Variants in NUDT5 observed in about 807,000 individuals in gnomAD.
The protein encoded by NUDT5 is nudix hydrolase 5, also known as ADP-sugar pyrophosphatase.
A neutral mutation model predicts 34.1 loss-of-function variants in NUDT5; 21 were observed. That is an observed-to-expected ratio of 0.62 (90% CI 0.44 to 0.89). NUDT5 has a LOEUF of 0.89. Among genes scored for constraint, NUDT5 ranks in the 40% least tolerant of loss-of-function variants. The pLI is 0.00. For synonymous variants in NUDT5, 85 were observed against 97.6 expected, an observed-to-expected ratio of 0.87 and a Z score of 0.76; for missense variants, 249 against 274.8, an observed-to-expected ratio of 0.91 and a Z score of 0.66.
Position 12,171,017 on chromosome 10 carries a change from G to A in NUDT5, c.488-109C>T, listed in dbSNP as rs1293764884. ...GCTTTGAGAATTTCACAGAAGCCTG[G>A]GTTTCTGCTAACTTAATTTATATAC... On this transcript the variant is annotated intron_variant, in intron 7 of 9. Coordinates refer to ENST00000491614, the MANE Select transcript of NUDT5 (RefSeq NM_014142.4). This position sits in a 1 kb window ranked among gnomAD's most constrained non-coding sequence, Gnocchi z 4.2. 4 of 1,154,780 alleles carry A rather than the reference G, an allele frequency of 3.5e-6. No individual in the cohort carries two copies. In the African/African-American group the frequency reaches 6.2e-5, roughly 18 times the overall value. 71.5% of individuals were successfully genotyped at this position (1,154,780 alleles called of 1,614,324 possible).
chr10:12,172,045 G>A (rs1014683684), intron 7 of NUDT5, among the ~76,000 whole-genome samples: 17 of 152,102 alleles, frequency 1.1e-4, no homozygotes, highest in African/African-American at 3.9e-4. Flanking sequence ...CTTAAAATTA[G>A]TTGCAGTGGG....
At chr10:12,177,936 T>A (rs1256710798) in intron 4 of NUDT5, 36 bp from the exon 5 acceptor site, 1 of 1,521,034 alleles carries the variant, frequency 6.6e-7, no homozygotes, top group African/African-American at 1.4e-5. Flanking sequence ...AAATCCCTAA[T>A]GAGAGGTCAG....
At position 12,170,008 on chromosome 10, in the gene NUDT5, C is replaced by CAT; in HGVS notation, c.550+708_550+709insAT. 9.6e-7 allele frequency: 1 copy of CAT among 1,037,910 alleles called. No individual in the cohort carries two copies. The highest frequency in any genetic ancestry group is 1.4e-5 in the South Asian group (1 of 70,270). 64.3% of individuals were successfully genotyped at this position (1,037,910 alleles called of 1,614,324 possible). ...AGTGAAAGGGATTTGCCAGCCCATA[C>CAT]AGAGGTGCTCCTTGAAGGGCCCATG... On this transcript the variant is annotated intron_variant, in intron 9 of 9. Coordinates refer to ENST00000491614, the MANE Select transcript of NUDT5 (RefSeq NM_014142.4). This position sits in a 1 kb window ranked among gnomAD's most constrained non-coding sequence, Gnocchi z 4.9.
Position 12,177,422 on chromosome 10 carries a change from A to G in NUDT5, c.289+371T>C, listed in dbSNP as rs370695461. Among the ~76,000 whole-genome samples the G allele has an allele frequency of 5.3e-3, 769 of 144,564 alleles. 2 individuals are homozygous for G. The highest frequency in any genetic ancestry group is 8.8e-3 in the Non-Finnish European group (574 of 65,144). 94.8% of individuals were successfully genotyped at this position (144,564 alleles called of 152,430 possible). A position where few individuals can be genotyped will look rare whatever the true frequency, so the allele number is the denominator to read the frequency against. On this transcript the variant is annotated intron_variant, in intron 5 of 9. Coordinates refer to ENST00000491614, the MANE Select transcript of NUDT5 (RefSeq NM_014142.4). The stretch of plus-strand genomic sequence containing the variant: ...TAGTCCCAGCCACTCGGGAGGCTGA[A>G]GCAGGAGAATTGCTTGAACCCAGGA...
chr10:12,193,748 G>A (rs1835276697), intron 1 of NUDT5, among the ~76,000 whole-genome samples: 1 of 152,032 alleles, frequency 6.6e-6, no homozygotes, highest in Non-Finnish European at 1.5e-5. Flanking sequence ...CTGAATAAAA[G>A]GTATCTATAA....
chr10:12,187,426 CAG>C lies in NUDT5; in HGVS notation c.-41-1096_-41-1095del, dbSNP rs1025540291. On this transcript the variant is annotated intron_variant, in intron 1 of 9. Coordinates refer to ENST00000491614, the MANE Select transcript of NUDT5 (RefSeq NM_014142.4). This position sits in a 1 kb window ranked among gnomAD's most constrained non-coding sequence, Gnocchi z 5.4. ...ACTACAAGTTCTGTTATGAAAAGAGCAGGCCCTTATCCCATTTATTGTATATT... is the reference window on the plus strand; with the variant it reads ...ACTACAAGTTCTGTTATGAAAAGAGCGCCCTTATCCCATTTATTGTATATT... Among the ~76,000 whole-genome samples, 2 of 152,224 alleles carry C rather than the reference CAG, an allele frequency of 1.3e-5. No homozygotes were observed. The highest frequency in any genetic ancestry group is 2.4e-5 in the African/African-American group (1 of 41,448).
In NUDT5 at chr10:12,169,478, G is replaced by A. The variant is rs1223632422; in HGVS notation, c.550+1239C>T. ...TTGATGTGATAGCTAATTATGGTCC[G>A]CGGAGCCTCAAACCGAGTCGGGCCT... On this transcript the variant is annotated intron_variant, in intron 9 of 9. Transcript: ENST00000491614. This position sits in a 1 kb window ranked among gnomAD's most constrained non-coding sequence, Gnocchi z 4.8. 5 of 582,664 alleles carry A rather than the reference G, an allele frequency of 8.6e-6. No individual in the cohort carries two copies. Among genetic ancestry groups the A allele is most frequent in the East Asian group, 6.0e-5 (2 of 33,250 alleles). The allele number at this position is 582,664 out of a possible 1,614,324, so 36.1% of individuals were successfully genotyped here.
At chr10:12,186,459 ATG>A (rs1226724160) in intron 1 of NUDT5, 127 bp from the exon 2 acceptor site, 2 of 618,608 alleles carry the variant, frequency 3.2e-6, no homozygotes, top group Non-Finnish European at 5.7e-6. Flanking sequence ...CTGTCTCAGT[ATG>A]TGAGGGAACT....
chr10:12,185,508 C>T (rs927132317), intron 2 of NUDT5, among the ~76,000 whole-genome samples: 2 of 152,250 alleles, frequency 1.3e-5, no homozygotes, highest in Non-Finnish European at 2.9e-5. Context: ...TCTGCCTAGA[C>T]ACTGGGGAGT....
At position 12,186,313 on chromosome 10, in the gene NUDT5, C is replaced by T. The variant is rs909881612; in HGVS notation, c.-22G>A. The T allele has an allele frequency of 6.4e-7, 1 of 1,572,996 alleles. No individual in the cohort carries two copies. The highest frequency in any genetic ancestry group is 8.8e-7 in the Non-Finnish European group (1 of 1,142,530). Reference sequence around the variant, plus strand: ...CCATTTTCAAACGAGTCTTTACAGCCCTCAGGTGAGAAGTTCACCCTGCAA... The same window carrying T: ...CCATTTTCAAACGAGTCTTTACAGCTCTCAGGTGAGAAGTTCACCCTGCAA... On this transcript the variant is annotated 5_prime_UTR_variant, in exon 2 of 10. Coordinates refer to ENST00000491614, the MANE Select transcript of NUDT5 (RefSeq NM_014142.4).
Position 12,169,953 on chromosome 10 carries a change from T to C in NUDT5, c.550+764A>G, listed in dbSNP as rs1834817315. 1 of 620,370 alleles carries C rather than the reference T, an allele frequency of 1.6e-6. No homozygotes were observed. The highest frequency in any genetic ancestry group is 2.9e-5 in the Admixed American group (1 of 34,256). 38.4% of individuals were successfully genotyped at this position (620,370 alleles called of 1,614,324 possible). A position where few individuals can be genotyped will look rare whatever the true frequency, so the allele number is the denominator to read the frequency against. On this transcript the variant is annotated intron_variant, in intron 9 of 9. Coordinates refer to ENST00000491614, the MANE Select transcript of NUDT5 (RefSeq NM_014142.4). The surrounding 1 kb of genome is among the most constrained non-coding windows in gnomAD (Gnocchi z 4.8). Reference sequence around the variant, plus strand: ...ACTTATACCCAATAAAATATTCCCATGATGACAAGTGTCTGCTTCTTTCTA... The same window carrying C: ...ACTTATACCCAATAAAATATTCCCACGATGACAAGTGTCTGCTTCTTTCTA...
At chr10:12,178,982 C>T in intron 4 of NUDT5, 101 bp downstream of exon 4, 1 of 982,414 alleles carries the variant, frequency 1.0e-6, no homozygotes, top group Non-Finnish European at 1.6e-6. Context: ...TTTAAAGACA[C>T]AACATCCTAA....
At position 12,195,793 on chromosome 10, in the gene NUDT5, G is replaced by C; in HGVS notation, c.-65C>G. The C allele has an allele frequency of 4.8e-6, 1 of 208,734 alleles. No individual in the cohort carries two copies. The highest frequency in any genetic ancestry group is 1.0e-5 in the Non-Finnish European group (1 of 100,200). The allele number at this position is 208,734 out of a possible 1,614,324, so 12.9% of individuals were successfully genotyped here. ...ACTCCAAGGTGTAGGGGTGAAGAAC[G>C]GAAGAGGACGAAATAACTAGCTGGA... On this transcript the variant is annotated 5_prime_UTR_variant, in exon 1 of 10. Coordinates refer to ENST00000491614, the MANE Select transcript of NUDT5 (RefSeq NM_014142.4).
rs550187430 is a variant in NUDT5, at chr10:12,190,647, C to G, written c.-41-4315G>C. Among the ~76,000 whole-genome samples the G allele has an allele frequency of 2.9e-5, 4 of 139,814 alleles. No homozygotes were observed. The South Asian group carries it at 9.3e-4, about 33-fold the overall frequency. The allele number at this position is 139,814 out of a possible 152,430, so 91.7% of individuals were successfully genotyped here. The stretch of plus-strand genomic sequence containing the variant: ...TTTTTGAGACTGAATCTCGCTGCAA[C>G]ACCCAGGCTGGAGTGCAATGGCATG... On this transcript the variant is annotated intron_variant, in intron 1 of 9. Coordinates refer to ENST00000491614, the MANE Select transcript of NUDT5 (RefSeq NM_014142.4).
chr10:12,167,966 A>T, intron 9 of NUDT5, 155 bp from the exon 10 acceptor site: 1 of 1,340,538 alleles, frequency 7.5e-7, no homozygotes, highest in Non-Finnish European at 9.7e-7. Context: ...GATCTTAAAG[A>T]ATAAAGACTA....
In NUDT5 at chr10:12,175,028, A is replaced by C. The variant is rs994031543; in HGVS notation, c.290-1215T>G. Among the ~76,000 whole-genome samples the C allele has an allele frequency of 2.0e-5, 3 of 152,178 alleles. No individual in the cohort carries two copies. Among genetic ancestry groups the C allele is most frequent in the African/African-American group, 7.2e-5 (3 of 41,440 alleles). On this transcript the variant is annotated intron_variant, in intron 5 of 9. Coordinates refer to ENST00000491614, the MANE Select transcript of NUDT5 (RefSeq NM_014142.4). This position sits in a 1 kb window ranked among gnomAD's most constrained non-coding sequence, Gnocchi z 4.8. ...CTCTTTTTCCTGAAAGGAATTAAAA[A>C]ATATAATAAGGCTGGGCGTGGCGGC...
In NUDT5 at chr10:12,177,795, G is replaced by A; in HGVS notation, c.287C>T (p.Ala96Val). The A allele has an allele frequency of 6.2e-7, 1 of 1,609,642 alleles. No homozygotes were observed. The highest frequency in any genetic ancestry group is 8.5e-7 in the Non-Finnish European group (1 of 1,175,918). The change falls in exon 5 of 10, where the codon GCA becomes GTA. Residue 96 changes from alanine to valine, a missense_variant and splice_region_variant. Coordinates refer to ENST00000491614, the MANE Select transcript of NUDT5 (RefSeq NM_014142.4). ...PMGGYCIEFPAGLIDDGETPE... is the reference protein window; with the variant it reads ...PMGGYCIEFPVGLIDDGETPE... ...CAATTCGATGTTGAGTGACTCACCTGCAGGGAACTCTATGCAGTAGCCCCC... is the reference window on the plus strand; with the variant it reads ...CAATTCGATGTTGAGTGACTCACCTACAGGGAACTCTATGCAGTAGCCCCC...
At chr10:12,192,305 A>G (rs1230812489) in intron 1 of NUDT5, among the ~76,000 whole-genome samples, 1 of 68,394 alleles carries the variant, frequency 1.5e-5, no homozygotes, top group African/African-American at 3.9e-5. Flanking sequence ...TCTGTCTCCA[A>G]AAAAAAAAAG....
chr10:12,178,094 T>G (rs1477049892), intron 4 of NUDT5, among the ~76,000 whole-genome samples, 194 bp from the exon 5 acceptor site: 2 of 152,032 alleles, frequency 1.3e-5, no homozygotes, highest in Non-Finnish European at 2.9e-5. Flanking sequence ...TACACTTTCT[T>G]TTTTAAACAA....
Sources: gnomAD v4.1 joint callset for allele counts (sites outside exome capture counted in the v4.1 genomes callset) on GRCh38, gnomAD v4.1.1 for gene constraint, Gnocchi (gnomAD v3.1) non-coding constraint, MANE v1.5 for transcripts, NCBI Gene and HGNC (gene_info 2026-07-23, HGNC 2026-07-21) for gene names.